The following PTPRT variants were observed in gnomAD, a reference collection of about 807,000 sequenced individuals.
PTPRT encodes the protein receptor-type tyrosine-protein phosphatase T.
A neutral mutation model predicts 176.8 loss-of-function variants in PTPRT; 56 were observed. The observed-to-expected ratio is 0.32, with a 90% CI of 0.26 to 0.40. PTPRT has a LOEUF of 0.40. PTPRT is among the 10% of genes least tolerant of loss of function. PTPRT has a pLI of 1.00. For missense variants in PTPRT, 1,540 were observed against 1,908.2 expected (o/e 0.81, Z 3.60); for synonymous variants, 783 against 739.0 (o/e 1.06, Z -0.96).
intron 1 of PTPRT, among the ~76,000 whole-genome samples, chr20:43,052,942 G>C (rs1261430616): frequency 6.6e-6 from 1 of 152,076 alleles, no homozygotes; most frequent in Non-Finnish European, 1.5e-5. Flanking sequence ...CCAAAGATGT[G>C]AAAATGTAAA....
intron 6 of PTPRT, among the ~76,000 whole-genome samples, chr20:42,692,354 C>T (rs1460316788): frequency 6.6e-6 from 1 of 152,130 alleles, no homozygotes; most frequent in Non-Finnish European, 1.5e-5. Context: ...GTTATAACCA[C>T]ATTAAGTTTA....
intron 7 of PTPRT, among the ~76,000 whole-genome samples, chr20:42,655,355 G>A (rs752783939): frequency 2.0e-5 from 3 of 152,230 alleles, no homozygotes; most frequent in Non-Finnish European, 4.4e-5. Context: ...GCCGGGCATG[G>A]TAGTGCACCC....
chr20:43,167,721 TA>T (rs1456503154), intron 1 of PTPRT, among the ~76,000 whole-genome samples: 2 of 152,220 alleles, frequency 1.3e-5, no homozygotes, highest in Non-Finnish European at 2.9e-5. Flanking sequence ...CCACATATGT[TA>T]GAAAGGTCCA....
intron 16 of PTPRT, among the ~76,000 whole-genome samples, chr20:42,174,136 T>C (rs1237340308): frequency 6.6e-6 from 1 of 152,208 alleles, no homozygotes; most frequent in Non-Finnish European, 1.5e-5. Flanking sequence ...GGAAAGTTAC[T>C]TCATGCTTTC....
chr20:42,626,376 T>C (rs142778347), intron 7 of PTPRT, among the ~76,000 whole-genome samples: 30 of 152,278 alleles, frequency 2.0e-4, no homozygotes, highest in Non-Finnish European at 2.6e-4. Context: ...CTTACCACTC[T>C]ACAGCTGAGT....
intron 1 of PTPRT, among the ~76,000 whole-genome samples, chr20:43,174,178 G>T (rs2015072796): frequency 6.6e-6 from 1 of 152,180 alleles, no homozygotes. Context: ...CAGACAGAGA[G>T]AACATAAAGT....
intron 15 of PTPRT, among the ~76,000 whole-genome samples, chr20:42,201,899 G>C (rs988273123): frequency 1.3e-5 from 2 of 151,700 alleles, no homozygotes; most frequent in African/African-American, 4.8e-5. Flanking sequence ...AGTAGAGAAA[G>C]GTGGAAAGGG....
At chr20:42,085,044 C>A (rs556626019) in intron 28 of PTPRT, among the ~76,000 whole-genome samples, 199 bp from the exon 29 acceptor site, 2 of 152,264 alleles carry the variant, frequency 1.3e-5, no homozygotes, top group Admixed American at 1.3e-4. Flanking sequence ...GCCCTGAACC[C>A]CCTTTTGTAC....
chr20:42,610,927 C>CTACA (rs59780394), intron 7 of PTPRT, among the ~76,000 whole-genome samples: 59,188 of 151,770 alleles, frequency 0.39, 13,351 homozygotes, highest in African/African-American at 0.63. Flanking sequence ...TTGCAATACA[C>CTACA]TAGTCTTTCG....
At chr20:43,048,350 G>A (rs979065197) in intron 1 of PTPRT, among the ~76,000 whole-genome samples, 2 of 152,168 alleles carry the variant, frequency 1.3e-5, no homozygotes, top group South Asian at 2.1e-4. Context: ...GGGTCCAGTG[G>A]TTATTAAGTC....
chr20:42,634,074 TAA>T (rs1491133675), intron 7 of PTPRT, among the ~76,000 whole-genome samples: 10 of 42,780 alleles, frequency 2.3e-4, no homozygotes, highest in South Asian at 6.4e-4. Context: ...AATATATATA[TAA>T]TATATATATA....
chr20:42,037,346 C>G, the PTPRT span, among the ~76,000 whole-genome samples: 1 of 152,200 alleles, frequency 6.6e-6, no homozygotes, highest in Admixed American at 6.5e-5. Context: ...CCCTTCCCCA[C>G]CTGGTCTGCA....
intron 11 of PTPRT, among the ~76,000 whole-genome samples, chr20:42,323,076 G>C (rs2057825144): frequency 6.6e-6 from 1 of 151,856 alleles, no homozygotes; most frequent in South Asian, 2.1e-4. Context: ...TCTCACACCA[G>C]TTAAAATGGC....
At chr20:42,083,770 AG>A (rs1983597846) in intron 29 of PTPRT, among the ~76,000 whole-genome samples, 1 of 152,230 alleles carries the variant, frequency 6.6e-6, no homozygotes, top group Non-Finnish European at 1.5e-5. Flanking sequence ...TAAAAGAGAG[AG>A]GCCTTCTCAA....
rs528219956 is a variant in PTPRT at position 42,775,182 on chromosome 20, A to C, written c.569-3632T>G. Among the ~76,000 whole-genome samples the C allele has an allele frequency of 6.3e-4, 96 of 152,276 alleles. 2 individuals carry two copies. The highest frequency in any genetic ancestry group is 6.0e-3 in the Admixed American group (92 of 15,298). On this transcript the variant is annotated intron_variant, in intron 4 of 30. Coordinates refer to ENST00000373187, the MANE Select transcript of PTPRT (RefSeq NM_007050.6). ...GGGCTTAACAGAAGACTGGCTGTGC[A>C]TTTGGGGCAAAAATGCCTTGACGTT... is the stretch of plus-strand genomic sequence containing the variant.
At chr20:43,132,651 A>T (rs4812671) in intron 1 of PTPRT, among the ~76,000 whole-genome samples, 72,656 of 151,978 alleles carry the variant, frequency 0.48, 17,981 homozygotes, top group East Asian at 0.83. Flanking sequence ...GGATTTGAGG[A>T]GACTTCTCCT....
intron 6 of PTPRT, among the ~76,000 whole-genome samples, chr20:42,735,179 G>C (rs969353493): frequency 1.3e-5 from 2 of 152,148 alleles, no homozygotes; most frequent in African/African-American, 4.8e-5. Context: ...ATGAGACACA[G>C]TTTGGAGGGC....
chr20:43,025,493 C>T (rs968998548), intron 1 of PTPRT, among the ~76,000 whole-genome samples: 6 of 152,300 alleles, frequency 3.9e-5, no homozygotes, highest in African/African-American at 1.2e-4. Context: ...TTGGAGGACA[C>T]GTTCTCAACA....
chr20:42,788,606 C>T (rs1478606108), intron 3 of PTPRT, among the ~76,000 whole-genome samples: 3 of 152,106 alleles, frequency 2.0e-5, no homozygotes, highest in East Asian at 1.9e-4. Context: ...CTGTGCTGTT[C>T]GACAGTCATT....
Sources: allele counts gnomAD v4.1 joint callset (sites outside exome capture counted in the v4.1 genomes callset), GRCh38; gene constraint gnomAD v4.1.1; transcripts MANE v1.5; gene names NCBI Gene and HGNC (gene_info 2026-07-23, HGNC 2026-07-21).